Variants in GTF2B observed in about 807,000 individuals in gnomAD.
GTF2B encodes transcription initiation factor IIB.
GTF2B carries 20 observed loss-of-function variants against 34.6 expected under a neutral mutation model. The ratio of observed to expected loss-of-function variants is 0.58; its 90% confidence interval spans 0.41 to 0.84. GTF2B has a LOEUF of 0.84. Among genes scored for constraint, GTF2B ranks in the 40% least tolerant of loss-of-function variants. The pLI is 0.00. For missense variants in GTF2B, 237 were observed against 393.3 expected (o/e 0.60, Z 3.36); for synonymous variants, 142 against 132.4 (o/e 1.07, Z -0.50).
intron 2 of GTF2B, among the ~76,000 whole-genome samples, chr1:88,880,335 A>G (rs1256504009): frequency 1.3e-5 from 2 of 152,136 alleles, no homozygotes; most frequent in Admixed American, 6.6e-5. Flanking sequence ...GCCCACCTTG[A>G]TTTCTTCCCC....
intron 3 of GTF2B, among the ~76,000 whole-genome samples, chr1:88,861,504 A>G (rs1422164151): frequency 2.0e-5 from 3 of 152,120 alleles, no homozygotes; most frequent in Admixed American, 6.5e-5. Context: ...ACCTCTACTA[A>G]AAGTACAAAA....
At chr1:88,891,339 T>A (rs915522495) in intron 1 of GTF2B, 144 bp downstream of exon 1, 4 of 616,560 alleles carry the variant, frequency 6.5e-6, no homozygotes, top group African/African-American at 1.9e-5. Flanking sequence ...GGAAGTGCCT[T>A]TGTCCCGGCC....
intron 5 of GTF2B, among the ~76,000 whole-genome samples, chr1:88,858,289 G>A (rs1271413528): frequency 3.3e-5 from 5 of 152,134 alleles, no homozygotes; most frequent in Admixed American, 2.0e-4. Flanking sequence ...GTGAGCCATC[G>A]TGCCTGGCTA....
chr1:88,869,547 A>ACGGGAAAATAATCTAT (rs1229561638), intron 2 of GTF2B, among the ~76,000 whole-genome samples: 2 of 152,224 alleles, frequency 1.3e-5, no homozygotes, highest in African/African-American at 4.8e-5. Context: ...GTTGAAAAAA[A>ACGGGAAAATAATCTAT]CGGGAAAATA....
intron 2 of GTF2B, among the ~76,000 whole-genome samples, chr1:88,872,730 G>A (rs185382600): frequency 3.5e-4 from 54 of 152,208 alleles, no homozygotes; most frequent in Middle Eastern, 3.4e-3. Context: ...TGTATCTCAG[G>A]TTTGTTCTCT....
intron 3 of GTF2B, among the ~76,000 whole-genome samples, chr1:88,863,603 C>T (rs1006650452): frequency 1.5e-4 from 23 of 152,170 alleles, no homozygotes; most frequent in African/African-American, 5.6e-4. Flanking sequence ...GATCCGCCTG[C>T]CTTGGCCTCC....
chr1:88,885,385 A>G (rs1674042041), intron 2 of GTF2B, among the ~76,000 whole-genome samples: 1 of 151,996 alleles, frequency 6.6e-6, no homozygotes, highest in Non-Finnish European at 1.5e-5. Flanking sequence ...GGTTGCAGTG[A>G]GCTGGGATCG....
At chr1:88,887,120 T>A (rs1182483175) in intron 2 of GTF2B, 141 bp downstream of exon 2, 1 of 538,232 alleles carries the variant, frequency 1.9e-6, no homozygotes, top group African/African-American at 2.0e-5. Flanking sequence ...GGTTTCTTCA[T>A]GTTGGTCAGG....
intron 2 of GTF2B, among the ~76,000 whole-genome samples, chr1:88,868,738 TTC>T (rs1673615070): frequency 3.7e-5 from 1 of 26,890 alleles, no homozygotes; most frequent in Admixed American, 5.7e-4. Flanking sequence ...TATCTGTGTA[TTC>T]TTTTTTTTTT....
chr1:88,866,889 A>G (rs1238708092), intron 2 of GTF2B, among the ~76,000 whole-genome samples: 6 of 152,174 alleles, frequency 3.9e-5, no homozygotes, highest in Non-Finnish European at 7.4e-5. Context: ...GGCAATTTTA[A>G]TACATCACAC....
intron 6 of GTF2B, among the ~76,000 whole-genome samples, chr1:88,853,575 C>T (rs1010564949): frequency 6.6e-6 from 1 of 152,140 alleles, no homozygotes; most frequent in African/African-American, 2.4e-5. Flanking sequence ...GAGGCCGAGG[C>T]GGGTGGATCA....
chr1:88,884,217 G>A (rs539052547), intron 2 of GTF2B, among the ~76,000 whole-genome samples: 173 of 152,070 alleles, frequency 1.1e-3, no homozygotes, highest in African/African-American at 4.0e-3. Flanking sequence ...TAGTAGAGAT[G>A]GAGTTTCACC....
chr1:88,857,500 A>C lies in GTF2B; in HGVS notation c.536-13T>G, dbSNP rs762301360. On this transcript the variant is annotated splice_polypyrimidine_tract_variant and intron_variant, in intron 5 of 6. Transcript: ENST00000370500. The stretch of plus-strand genomic sequence containing the variant: ...ACGGCACATATTTCTAAAAGAAAAA[A>C]AATTAAATAAATCAATTCACTTAAG... 2.2e-6 allele frequency: 3 copies of C among 1,392,864 alleles called. No homozygotes were observed. Among genetic ancestry groups the C allele is most frequent in the Non-Finnish European group, 3.0e-6 (3 of 989,134 alleles). The allele number at this position is 1,392,864 out of a possible 1,614,324, so 86.3% of individuals were successfully genotyped here.
Position 88,887,227 on chromosome 1 carries a change from A to T in GTF2B, c.124+34T>A, listed in dbSNP as rs750782681. On this transcript the variant is annotated intron_variant, in intron 2 of 6. Transcript: ENST00000370500. ...AGCCACCATGCTTGGCCTCCTGAAC[A>T]GTAATTTAAATTAAAACCATAATAA... The T allele has an allele frequency of 8.8e-6, 12 of 1,361,442 alleles. No individual in the cohort carries two copies. The Admixed American group carries it at 1.5e-4, about 17-fold the overall frequency. 84.3% of individuals were successfully genotyped at this position (1,361,442 alleles called of 1,614,324 possible).
rs746567521 is a variant in GTF2B, at chr1:88,891,518, G to T, written c.-19C>A. 13 of 1,600,388 alleles carry T rather than the reference G, an allele frequency of 8.1e-6. No homozygotes were observed. In the Admixed American group the frequency reaches 1.2e-4, roughly 15 times the overall value. Reference sequence around the variant, plus strand: ...ACGCCATCTTCACGGCGACTGCGGTGCCCGCAACAAGACACAACAGACACA... The same window carrying T: ...ACGCCATCTTCACGGCGACTGCGGTTCCCGCAACAAGACACAACAGACACA... On this transcript the variant is annotated 5_prime_UTR_variant, in exon 1 of 7. Transcript: ENST00000370500.
intron 2 of GTF2B, among the ~76,000 whole-genome samples, chr1:88,868,471 AG>A (rs1463561722): frequency 6.6e-6 from 1 of 152,132 alleles, no homozygotes; most frequent in African/African-American, 2.4e-5. Context: ...CCCATCCAAA[AG>A]AGTAAACGCA....
chr1:88,867,416 G>C (rs1404798883), intron 2 of GTF2B, among the ~76,000 whole-genome samples: 1 of 148,768 alleles, frequency 6.7e-6, no homozygotes, highest in African/African-American at 2.6e-5. Flanking sequence ...GTGATACCAT[G>C]GTGTTCCCAT....
chr1:88,865,208 T>G (rs1673521794), intron 2 of GTF2B, among the ~76,000 whole-genome samples: 1 of 152,242 alleles, frequency 6.6e-6, no homozygotes, highest in Admixed American at 6.5e-5. Context: ...CATTTCTATG[T>G]CTTTATTACC....
intron 2 of GTF2B, among the ~76,000 whole-genome samples, chr1:88,885,822 G>C (rs144525989): frequency 1.3e-5 from 2 of 152,128 alleles, no homozygotes; most frequent in African/African-American, 4.8e-5. Context: ...TATTATTTTT[G>C]ATTTTTTTTA....
Sources: allele counts gnomAD v4.1 joint callset (sites outside exome capture counted in the v4.1 genomes callset), GRCh38; gene constraint gnomAD v4.1.1; transcripts MANE v1.5; gene names NCBI Gene and HGNC (gene_info 2026-07-23, HGNC 2026-07-21).